Variants in MRPL3 observed in about 807,000 individuals in gnomAD.
The protein encoded by MRPL3 is large ribosomal subunit protein uL3m.
A neutral mutation model predicts 44.3 loss-of-function variants in MRPL3; 43 were observed. The ratio of observed to expected loss-of-function variants is 0.97; its 90% confidence interval spans 0.76 to 1.25. MRPL3 has a LOEUF of 1.25. MRPL3 is among the 50% of genes most tolerant of loss of function. MRPL3 has a pLI of 0.00. For synonymous variants in MRPL3, 171 were observed against 152.3 expected, an observed-to-expected ratio of 1.12 and a Z score of -0.91; for missense variants, 406 against 427.6, an observed-to-expected ratio of 0.95 and a Z score of 0.45.
intron 2 of MRPL3, among the ~76,000 whole-genome samples, 174 bp downstream of exon 2, chr3:131,501,357 A>G (rs1934493657): frequency 6.6e-6 from 1 of 152,218 alleles, no homozygotes; most frequent in Non-Finnish European, 1.5e-5. Context: ...CATTCACTAA[A>G]ACTAGACTAG....
intron 2 of MRPL3, among the ~76,000 whole-genome samples, chr3:131,500,830 C>G (rs544292210): frequency 6.6e-6 from 1 of 152,300 alleles, no homozygotes; most frequent in South Asian, 2.1e-4. Context: ...CATCATTTTG[C>G]TTTCCTAGTA....
At chr3:131,472,183 A>C (rs1933757363) in intron 6 of MRPL3, among the ~76,000 whole-genome samples, 1 of 152,208 alleles carries the variant, frequency 6.6e-6, no homozygotes, top group African/African-American at 2.4e-5. Context: ...AGAGGACTAA[A>C]TAGAAAAAAA....
chr3:131,478,286 CCAACTGGAA>C, intron 6 of MRPL3, among the ~76,000 whole-genome samples: 1 of 152,224 alleles, frequency 6.6e-6, no homozygotes, highest in South Asian at 2.1e-4. Context: ...CCAACCATAT[CCAACTGGAA>C]GTACCTCAGC....
chr3:131,485,492 T>G (rs140056223), intron 6 of MRPL3, among the ~76,000 whole-genome samples: 2 of 152,294 alleles, frequency 1.3e-5, no homozygotes, highest in East Asian at 1.9e-4. Context: ...TAAAATAATC[T>G]GATTTACAAC....
intron 9 of MRPL3, among the ~76,000 whole-genome samples, chr3:131,464,457 T>TA (rs1320993108): frequency 3.3e-5 from 5 of 152,148 alleles, no homozygotes; most frequent in Non-Finnish European, 5.9e-5. Context: ...TATTTAATCT[T>TA]ACCTCAGGTT....
At chr3:131,467,575 T>C (rs1001585221) in intron 9 of MRPL3, among the ~76,000 whole-genome samples, 5 of 151,942 alleles carry the variant, frequency 3.3e-5, no homozygotes, top group African/African-American at 1.2e-4. Context: ...CAAGATCTTG[T>C]TTAAAAATGT....
rs1934499811 is a variant in MRPL3, at chr3:131,501,665, C to T, written c.143G>A (p.Trp48Ter). 1 of 1,613,864 alleles carries T rather than the reference C, an allele frequency of 6.2e-7. No individual in the cohort carries two copies. The highest frequency in any genetic ancestry group is 8.5e-7 in the Non-Finnish European group (1 of 1,179,980). The change falls in exon 2 of 10, where the codon TGG becomes TAG. Residue 48 changes from tryptophan to a stop codon, truncating the protein, a stop_gained. Coordinates refer to ENST00000264995, the MANE Select transcript of MRPL3 (RefSeq NM_007208.4). LOFTEE classifies it high-confidence loss of function. Reference protein sequence around the residue: ...VRGLHGKSGTWWDEHLSEENV... With the variant: ...VRGLHGKSGT ...TTCTTCAGAAAGATGCTCATCCCAC[C>T]ATGTACCACTCTTTCCATGAAGACC...
Position 131,502,768 on chromosome 3 carries a change from G to C in MRPL3, c.54C>G (p.Leu18=), listed in dbSNP as rs1206318243. Residue 18 remains leucine (L), a synonymous_variant, in exon 1 of 10, where the codon CTC becomes CTG. Coordinates refer to ENST00000264995, the MANE Select transcript of MRPL3 (RefSeq NM_007208.4). ...CCAGGGCAGCACCCAGGCCGTCCCC[G>C]AGTCGACCCAGCACCTGGGCGCCGA... ...TQVGAQVLGR[L]GDGLGAALGP... 1 of 1,612,360 alleles carries C rather than the reference G, an allele frequency of 6.2e-7. No individual in the cohort carries two copies. Among genetic ancestry groups the C allele is most frequent in the East Asian group, 2.2e-5 (1 of 44,822 alleles).
At chr3:131,469,597 C>G (rs1933698369) in intron 8 of MRPL3, 99 bp downstream of exon 8, 1 of 806,362 alleles carries the variant, frequency 1.2e-6, no homozygotes, top group Non-Finnish European at 2.0e-6. Flanking sequence ...TTTAAAGCCT[C>G]TTAGAACAAT....
At chr3:131,464,891 G>A (rs984382311) in intron 9 of MRPL3, among the ~76,000 whole-genome samples, 3 of 152,174 alleles carry the variant, frequency 2.0e-5, no homozygotes, top group African/African-American at 7.2e-5. Context: ...CTAGGAAGTG[G>A]CTCAAAACCC....
At chr3:131,478,221 TC>T (rs1241876244) in intron 6 of MRPL3, among the ~76,000 whole-genome samples, 1 of 152,198 alleles carries the variant, frequency 6.6e-6, no homozygotes, top group Non-Finnish European at 1.5e-5. Context: ...AAGCTGGAGT[TC>T]CATAATCTTG....
chr3:131,471,991 T>C (rs761481458), intron 6 of MRPL3, among the ~76,000 whole-genome samples: 1 of 152,132 alleles, frequency 6.6e-6, no homozygotes, highest in African/African-American at 2.4e-5. Flanking sequence ...AATTAGAACC[T>C]TGACATGACT....
intron 3 of MRPL3, among the ~76,000 whole-genome samples, chr3:131,499,454 A>G (rs1199838618): frequency 6.6e-6 from 1 of 152,124 alleles, no homozygotes; most frequent in Non-Finnish European, 1.5e-5. Flanking sequence ...TTTTGTACCA[A>G]TTTACAATCC....
rs150724828 is a variant in MRPL3, at chr3:131,476,204, T to C, written c.630-4925A>G. Among the ~76,000 whole-genome samples the C allele has an allele frequency of 5.8e-4, 88 of 152,336 alleles. 1 individual carries two copies. The highest frequency in any genetic ancestry group is 2.0e-3 in the African/African-American group (83 of 41,576). Reference sequence around the variant, plus strand: ...CAATCTAGCTCTAGAATACATCATGTAGTTATACTCTGTACAATGAGAACC... The same window carrying C: ...CAATCTAGCTCTAGAATACATCATGCAGTTATACTCTGTACAATGAGAACC... On this transcript the variant is annotated intron_variant, in intron 6 of 9. Transcript: ENST00000264995.
chr3:131,491,906 A>C (rs1934263038), intron 4 of MRPL3, among the ~76,000 whole-genome samples: 2 of 152,096 alleles, frequency 1.3e-5, no homozygotes, highest in African/African-American at 4.8e-5. Flanking sequence ...TTACAGAATC[A>C]AGTCCTAAGT....
intron 9 of MRPL3, among the ~76,000 whole-genome samples, chr3:131,465,910 T>C (rs2110693566): frequency 6.8e-6 from 1 of 148,148 alleles, no homozygotes; most frequent in Admixed American, 6.7e-5. Flanking sequence ...TTTTTTTTGT[T>C]TTTTTAAGCA....
chr3:131,467,776 T>C (rs1352423346), intron 9 of MRPL3, among the ~76,000 whole-genome samples: 1 of 152,134 alleles, frequency 6.6e-6, no homozygotes, highest in Non-Finnish European at 1.5e-5. Flanking sequence ...TATTTCTTTA[T>C]AGGAGTCCAT....
chr3:131,476,736 C>A (rs1933861036), intron 6 of MRPL3, among the ~76,000 whole-genome samples: 1 of 152,256 alleles, frequency 6.6e-6, no homozygotes, highest in African/African-American at 2.4e-5. Flanking sequence ...ATTGTCCTTG[C>A]TTCTCAGTCC....
In MRPL3 at chr3:131,502,918, G is replaced by A. The variant is rs1387215695; in HGVS notation, c.-97C>T. On this transcript the variant is annotated 5_prime_UTR_variant, in exon 1 of 10. The change creates a new upstream start codon in the 5' untranslated region. Coordinates refer to ENST00000264995, the MANE Select transcript of MRPL3 (RefSeq NM_007208.4). ...CCACCGCCACGTGGACGCAGTAGCCGTGGGGAAGTTTTCGCAATGGCCGCC... is the reference window on the plus strand; with the variant it reads ...CCACCGCCACGTGGACGCAGTAGCCATGGGGAAGTTTTCGCAATGGCCGCC... 8.3e-6 allele frequency: 10 copies of A among 1,203,904 alleles called. No individual in the cohort carries two copies. Among genetic ancestry groups the A allele is most frequent in the African/African-American group, 3.0e-5 (2 of 66,204 alleles). The allele number at this position is 1,203,904 out of a possible 1,614,324, so 74.6% of individuals were successfully genotyped here.
Sources: allele counts gnomAD v4.1 joint callset (sites outside exome capture counted in the v4.1 genomes callset), GRCh38; gene constraint gnomAD v4.1.1; transcripts MANE v1.5; gene names NCBI Gene and HGNC (gene_info 2026-07-23, HGNC 2026-07-21).